The following IGF2BP2 variants were observed in gnomAD, a reference collection of about 807,000 sequenced individuals.
IGF2BP2 encodes the protein insulin like growth factor 2 mRNA binding protein 2, also known as insulin-like growth factor 2 mRNA-binding protein 2.
A neutral mutation model predicts 75.8 loss-of-function variants in IGF2BP2; 17 were observed. The ratio of observed to expected loss-of-function variants is 0.22; its 90% CI spans 0.15 to 0.34. IGF2BP2 has a LOEUF of 0.34. IGF2BP2 is among the 10% of genes least tolerant of loss of function. The pLI is 1.00. For missense variants in IGF2BP2, 516 were observed against 772.4 expected (o/e 0.67, Z 3.93); for synonymous variants, 288 against 295.6 (o/e 0.97, Z 0.26).
intron 2 of IGF2BP2, among the ~76,000 whole-genome samples, chr3:185,743,917 C>G (rs967407213): frequency 8.5e-5 from 13 of 152,160 alleles, no homozygotes; most frequent in African/African-American, 2.9e-4. Flanking sequence ...AGGTTTTTAA[C>G]ACCCAGTCAG....
chr3:185,682,525 A>AACTGG (rs1250710826), intron 7 of IGF2BP2, among the ~76,000 whole-genome samples: 1 of 152,188 alleles, frequency 6.6e-6, no homozygotes, highest in Non-Finnish European at 1.5e-5. Context: ...CAGTAGCACC[A>AACTGG]ACTGGACTAA....
At position 185,652,228 on chromosome 3, in the gene IGF2BP2, TTGTC is replaced by T; in HGVS notation, c.1387-64_1387-61del. On this transcript the variant is annotated intron_variant, in intron 12 of 15. Coordinates refer to ENST00000382199, the MANE Select transcript of IGF2BP2 (RefSeq NM_006548.6). ...GGCTGCATTCCCCAGCCCCTCTTTC[TTGTC>T]TAAGTGGACGGCAAGCATACCAGCA... 1.4e-6 allele frequency: 2 copies of T among 1,425,964 alleles called. 1 individual carries two copies. Among genetic ancestry groups the T allele is most frequent in the East Asian group, 4.7e-5 (2 of 42,822 alleles). The allele number at this position is 1,425,964 out of a possible 1,614,324, so 88.3% of individuals were successfully genotyped here. A position where few individuals can be genotyped will look rare whatever the true frequency, so the allele number is the denominator to read the frequency against.
chr3:185,762,585 A>G (rs1422386670), intron 2 of IGF2BP2, among the ~76,000 whole-genome samples: 2 of 151,804 alleles, frequency 1.3e-5, no homozygotes, highest in Non-Finnish European at 2.9e-5. Context: ...TTTGGGAAAT[A>G]CCATGTTTGA....
intron 1 of IGF2BP2, among the ~76,000 whole-genome samples, chr3:185,823,866 AGT>A (rs774773269): frequency 2.7e-5 from 4 of 149,578 alleles, no homozygotes; most frequent in East Asian, 2.0e-4. Context: ...CGCGCGCGCG[AGT>A]GTGTGTGTGT....
At chr3:185,805,634 G>A (rs1352429871) in intron 2 of IGF2BP2, among the ~76,000 whole-genome samples, 1 of 152,062 alleles carries the variant, frequency 6.6e-6, no homozygotes, top group Non-Finnish European at 1.5e-5. Flanking sequence ...ATATCCACAG[G>A]CAGCCAAAAT....
At chr3:185,696,460 G>C (rs568727519) in intron 4 of IGF2BP2, 152 bp downstream of exon 4, 1 of 653,622 alleles carries the variant, frequency 1.5e-6, no homozygotes, top group East Asian at 2.6e-5. Flanking sequence ...ATCTATGTAA[G>C]ATACATCTTA....
chr3:185,733,775 A>T (rs978717880), intron 2 of IGF2BP2, among the ~76,000 whole-genome samples: 4 of 152,030 alleles, frequency 2.6e-5, no homozygotes, highest in Non-Finnish European at 4.4e-5. Context: ...TAATAATAAT[A>T]AATAAATAAA....
chr3:185,821,586 A>G (rs181854243), intron 2 of IGF2BP2, among the ~76,000 whole-genome samples: 5 of 152,354 alleles, frequency 3.3e-5, no homozygotes, highest in Non-Finnish European at 5.9e-5. Context: ...AAAATTAAAT[A>G]ATGCACACTG....
intron 2 of IGF2BP2, among the ~76,000 whole-genome samples, chr3:185,747,309 T>C (rs1048384964): frequency 8.5e-5 from 13 of 152,226 alleles, no homozygotes; most frequent in African/African-American, 2.7e-4. Flanking sequence ...ACTATCCTTA[T>C]GTTATGGTAC....
intron 12 of IGF2BP2, among the ~76,000 whole-genome samples, chr3:185,655,023 G>C (rs1715209784): frequency 6.6e-6 from 1 of 152,244 alleles, no homozygotes; most frequent in Non-Finnish European, 1.5e-5. Context: ...GTAGAAACTA[G>C]GGGTGGGAGA....
chr3:185,819,848 GT>G (rs113851927), intron 2 of IGF2BP2, among the ~76,000 whole-genome samples: 1 of 151,534 alleles, frequency 6.6e-6, no homozygotes, highest in Non-Finnish European at 1.5e-5. Flanking sequence ...GAGATTGGAT[GT>G]TTTTTTCTTC....
chr3:185,740,519 T>G (rs575209387), intron 2 of IGF2BP2, among the ~76,000 whole-genome samples: 1 of 152,368 alleles, frequency 6.6e-6, no homozygotes, highest in African/African-American at 2.4e-5. Context: ...CTTAGAAGTA[T>G]AGTCATTTGA....
chr3:185,760,145 A>G (rs1285018814), intron 2 of IGF2BP2, among the ~76,000 whole-genome samples: 1 of 152,174 alleles, frequency 6.6e-6, no homozygotes, highest in Non-Finnish European at 1.5e-5. Flanking sequence ...TTATAATCCC[A>G]TCCTCTTTTT....
At chr3:185,742,320 C>T (rs922476326) in intron 2 of IGF2BP2, among the ~76,000 whole-genome samples, 2 of 151,996 alleles carry the variant, frequency 1.3e-5, no homozygotes, top group Non-Finnish European at 2.9e-5. Context: ...ATGGTGAAAC[C>T]CCATCTCTAC....
chr3:185,720,281 T>C (rs1210028817), intron 2 of IGF2BP2, among the ~76,000 whole-genome samples: 1 of 152,204 alleles, frequency 6.6e-6, no homozygotes, highest in Non-Finnish European at 1.5e-5. Flanking sequence ...AAGCAATCTG[T>C]AGTTTTTGCC....
chr3:185,725,685 G>C (rs904886166), intron 2 of IGF2BP2, among the ~76,000 whole-genome samples: 5 of 152,124 alleles, frequency 3.3e-5, no homozygotes, highest in African/African-American at 1.2e-4. Flanking sequence ...ACAAATTCAG[G>C]ACTAGGCTGG....
chr3:185,665,595 GAAAA>G (rs1261011146), intron 10 of IGF2BP2, among the ~76,000 whole-genome samples: 3 of 146,700 alleles, frequency 2.0e-5, no homozygotes, highest in Admixed American at 6.7e-5. Context: ...GGAAGAAGAA[GAAAA>G]GGAAGAAGAA....
At chr3:185,750,330 G>T (rs1404071034) in intron 2 of IGF2BP2, among the ~76,000 whole-genome samples, 1 of 152,116 alleles carries the variant, frequency 6.6e-6, no homozygotes, top group East Asian at 1.9e-4. Context: ...ATTATCTGTT[G>T]ATCTTTAATC....
chr3:185,807,468 T>C (rs1274728589), intron 2 of IGF2BP2, among the ~76,000 whole-genome samples: 4 of 152,210 alleles, frequency 2.6e-5, no homozygotes, highest in African/African-American at 7.2e-5. Context: ...TATAAGAAAT[T>C]CCAGTTTTAC....
Sources: gnomAD v4.1 joint callset for allele counts (sites outside exome capture counted in the v4.1 genomes callset) on GRCh38, gnomAD v4.1.1 for gene constraint, MANE v1.5 for transcripts, NCBI Gene and HGNC (gene_info 2026-07-23, HGNC 2026-07-21) for gene names.